Variants in ARHGEF3 observed in about 807,000 individuals in gnomAD.
ARHGEF3 encodes 59.8 kDA protein.
A neutral mutation model predicts 63.2 loss-of-function variants in ARHGEF3; 28 were observed. The ratio of observed to expected loss-of-function variants is 0.44; its 90% CI spans 0.33 to 0.61. ARHGEF3 has a LOEUF of 0.61. ARHGEF3 is among the 20% of genes least tolerant of loss of function. The pLI is 0.03. For missense variants in ARHGEF3, 533 were observed against 659.3 expected (o/e 0.81, Z 2.10); for synonymous variants, 266 against 254.2 (o/e 1.05, Z -0.44).
chr3:56,888,247 G>C (rs1432706452), intron 3 of ARHGEF3, among the ~76,000 whole-genome samples: 1 of 152,104 alleles, frequency 6.6e-6, no homozygotes, highest in Non-Finnish European at 1.5e-5. Flanking sequence ...TGTCAGATCT[G>C]TTCAAGGGTG....
intron 3 of ARHGEF3, among the ~76,000 whole-genome samples, chr3:56,927,878 G>T (rs889701242): frequency 4.6e-5 from 7 of 152,162 alleles, no homozygotes; most frequent in African/African-American, 1.7e-4. Flanking sequence ...TTTTACATTT[G>T]TTTTTACATA....
At chr3:57,055,743 T>A (rs777143736) in intron 1 of ARHGEF3, among the ~76,000 whole-genome samples, 6 of 152,158 alleles carry the variant, frequency 3.9e-5, no homozygotes, top group African/African-American at 1.2e-4. Context: ...CAATCCTTTA[T>A]CTGTATCCTC....
chr3:57,019,518 AG>A, intron 2 of ARHGEF3, among the ~76,000 whole-genome samples: 1 of 152,330 alleles, frequency 6.6e-6, no homozygotes, highest in Admixed American at 6.5e-5. Flanking sequence ...TGATCCCAGG[AG>A]GTGTAAACAT....
chr3:56,749,917 A>G (rs1286635035), intron 6 of ARHGEF3, among the ~76,000 whole-genome samples: 1 of 148,956 alleles, frequency 6.7e-6, no homozygotes, highest in Non-Finnish European at 1.5e-5. Flanking sequence ...CTTTCTGCAC[A>G]TCTATGTGTT....
At chr3:56,889,771 T>C (rs1421813116) in intron 3 of ARHGEF3, among the ~76,000 whole-genome samples, 1 of 152,172 alleles carries the variant, frequency 6.6e-6, no homozygotes, top group East Asian at 1.9e-4. Context: ...ATTTAAATAT[T>C]TGTTTCATGG....
upstream of ARHGEF3, among the ~76,000 whole-genome samples, chr3:56,804,318 T>C (rs947934100): frequency 6.6e-6 from 1 of 152,240 alleles, no homozygotes; most frequent in Admixed American, 6.5e-5. Context: ...TTCCTGGGGA[T>C]GCAGGGGATA....
intron 6 of ARHGEF3, among the ~76,000 whole-genome samples, chr3:56,747,238 A>T (rs919095694): frequency 2.0e-5 from 3 of 152,194 alleles, no homozygotes; most frequent in Admixed American, 6.5e-5. Flanking sequence ...GGAAGAAACA[A>T]ATCAGCAGTA....
intron 1 of ARHGEF3, among the ~76,000 whole-genome samples, chr3:57,067,454 A>AAATAAT (rs10528636): frequency 0.078 from 10,934 of 140,360 alleles, 738 homozygotes; most frequent in African/African-American, 0.18. Context: ...CTCTGTCTCA[A>AAATAAT]AATAATAATA....
chr3:56,898,211 C>CTTAT (rs1210372285), intron 3 of ARHGEF3, among the ~76,000 whole-genome samples: 1 of 151,552 alleles, frequency 6.6e-6, no homozygotes, highest in Non-Finnish European at 1.5e-5. Context: ...TTAGGTATGT[C>CTTAT]TTATTTATTT....
intron 4 of ARHGEF3, among the ~76,000 whole-genome samples, chr3:56,840,276 A>G (rs2039267408): frequency 6.6e-6 from 1 of 152,154 alleles, no homozygotes; most frequent in Non-Finnish European, 1.5e-5. Context: ...GACCATAAAT[A>G]TTTACAGCAT....
chr3:57,012,793 A>G (rs1166162377), intron 2 of ARHGEF3, among the ~76,000 whole-genome samples: 2 of 152,154 alleles, frequency 1.3e-5, no homozygotes, highest in African/African-American at 4.8e-5. Context: ...ACACTTGAGG[A>G]GCCCTTCAGC....
chr3:56,983,933 T>TCG (rs1206493981), intron 2 of ARHGEF3, among the ~76,000 whole-genome samples: 31 of 74,070 alleles, frequency 4.2e-4, no homozygotes, highest in African/African-American at 1.3e-3. Context: ...AGACTCCGTC[T>TCG]CGAGAAAAAA....
chr3:56,993,880 T>C (rs1371419556), intron 2 of ARHGEF3, among the ~76,000 whole-genome samples: 1 of 150,182 alleles, frequency 6.7e-6, no homozygotes, highest in Non-Finnish European at 1.5e-5. Context: ...CTGGTCAACA[T>C]GGTGAAAACC....
intron 3 of ARHGEF3, among the ~76,000 whole-genome samples, chr3:56,951,272 G>A (rs1699797699): frequency 1.4e-5 from 2 of 147,638 alleles, no homozygotes; most frequent in South Asian, 4.3e-4. Context: ...AAAACTTAAA[G>A]TATAAAAAAA....
intron 4 of ARHGEF3, among the ~76,000 whole-genome samples, chr3:56,880,914 T>C (rs2108254499): frequency 1.3e-5 from 2 of 152,272 alleles, no homozygotes; most frequent in African/African-American, 4.8e-5. Context: ...GGTCTAAAGA[T>C]TGGAACAAAC....
At position 56,957,434 on chromosome 3, in the gene ARHGEF3, A is replaced by G. The variant is rs143854420; in HGVS notation, c.129+1389T>C. 5.1e-4 allele frequency among the ~76,000 whole-genome samples: 77 copies of G among 152,370 alleles called. 1 individual carries two copies. Among genetic ancestry groups the G allele is most frequent in the African/African-American group, 1.6e-3 (66 of 41,590 alleles). ...GGATGCAAGAAAAGTATTTGGTATC[A>G]GATGGATGTGAGAAAGGTATTCATT... On this transcript the variant is annotated intron_variant, in intron 3 of 12. Transcript: ENST00000338458.
intron 1 of ARHGEF3, among the ~76,000 whole-genome samples, chr3:57,039,762 C>T (rs1704103073): frequency 6.6e-6 from 1 of 152,172 alleles, no homozygotes; most frequent in South Asian, 2.1e-4. Context: ...CTTTCCTCTG[C>T]TTTAATCACT....
At chr3:57,015,074 G>A (rs532665482) in intron 2 of ARHGEF3, among the ~76,000 whole-genome samples, 13 of 152,024 alleles carry the variant, frequency 8.6e-5, no homozygotes, top group South Asian at 6.2e-4. Flanking sequence ...TAAACCAGAG[G>A]TTGGCAGACT....
At chr3:56,818,744 T>G (rs2038360744) in intron 4 of ARHGEF3, among the ~76,000 whole-genome samples, 1 of 152,156 alleles carries the variant, frequency 6.6e-6, no homozygotes, top group South Asian at 2.1e-4. Context: ...CCTACGCGCT[T>G]GGAATATGAA....
Sources: allele counts gnomAD v4.1 joint callset (sites outside exome capture counted in the v4.1 genomes callset), GRCh38; gene constraint gnomAD v4.1.1; transcripts MANE v1.5; gene names NCBI Gene and HGNC (gene_info 2026-07-23, HGNC 2026-07-21).